The following SLC8A3 variants were observed in gnomAD, a reference collection of about 807,000 sequenced individuals.
SLC8A3 encodes the protein solute carrier family 8 member A3.
A neutral mutation model predicts 65.4 loss-of-function variants in SLC8A3; 37 were observed. The observed-to-expected ratio is 0.57, with a 90% CI of 0.44 to 0.74. The LOEUF (loss-of-function observed/expected upper bound fraction) is 0.74, where lower values mean the gene tolerates loss of function less well. Among genes scored for constraint, SLC8A3 ranks in the 30% least tolerant of loss-of-function variants. SLC8A3 has a pLI of 0.00. For synonymous variants in SLC8A3, 461 were observed against 444.5 expected, an observed-to-expected ratio of 1.04 and a Z score of -0.47; for missense variants, 1,112 against 1,172.1, an observed-to-expected ratio of 0.95 and a Z score of 0.75.
intron 2 of SLC8A3, among the ~76,000 whole-genome samples, chr14:70,130,402 G>A (rs888722595): frequency 6.6e-6 from 1 of 152,226 alleles, no homozygotes; most frequent in African/African-American, 2.4e-5. Flanking sequence ...TCCTGTGCAT[G>A]CACGTGTGTG....
At chr14:70,150,784 G>C (rs1055230853) in intron 2 of SLC8A3, among the ~76,000 whole-genome samples, 3 of 152,192 alleles carry the variant, frequency 2.0e-5, no homozygotes, top group Non-Finnish European at 4.4e-5. Context: ...CAGAGGGAAA[G>C]GGGATTTGGA....
At chr14:70,131,518 G>A (rs979675843) in intron 2 of SLC8A3, among the ~76,000 whole-genome samples, 9 of 152,176 alleles carry the variant, frequency 5.9e-5, no homozygotes, top group Non-Finnish European at 8.8e-5. Context: ...AGCTGGAGGA[G>A]GACACAGGTC....
intron 3 of SLC8A3, chr14:70,059,286 T>A (rs1179519221): frequency 3.3e-5 from 5 of 152,244 alleles, no homozygotes; most frequent in Non-Finnish European, 7.3e-5. Context: ...TTGGGAATGT[T>A]GTTGCTGAAT....
intron 2 of SLC8A3, among the ~76,000 whole-genome samples, chr14:70,146,232 G>T (rs1321081901): frequency 6.6e-6 from 1 of 152,202 alleles, no homozygotes; most frequent in Non-Finnish European, 1.5e-5. Flanking sequence ...TGGAAGATGT[G>T]TAATGTCGAC....
intron 2 of SLC8A3, among the ~76,000 whole-genome samples, chr14:70,098,707 G>A (rs1892359338): frequency 6.6e-6 from 1 of 152,180 alleles, no homozygotes; most frequent in African/African-American, 2.4e-5. Context: ...GGAAACCACA[G>A]CTTCTGCCAG....
chr14:70,168,128 T>C lies in SLC8A3; in HGVS notation c.295A>G (p.Met99Val), dbSNP rs1206311512. The change falls in exon 2 of 7, where the codon ATG becomes GTG. Residue 99 changes from methionine to valine, a missense_variant. Coordinates refer to ENST00000356921, the MANE Select transcript of SLC8A3 (RefSeq NM_182932.3). ...LGVSIIADRF[M>V]ASIEVITSQE... ...GAGGTGATGACTTCAATAGATGCCA[T>C]GAAGCGGTCAGCAATGATGGACACC... is the stretch of plus-strand genomic sequence containing the variant. 7 of 1,614,008 alleles carry C rather than the reference T, an allele frequency of 4.3e-6. No homozygotes were observed. Among genetic ancestry groups the C allele is most frequent in the Admixed American group, 1.7e-5 (1 of 60,002 alleles).
At chr14:70,185,986 G>A (rs1883176469) in intron 1 of SLC8A3, among the ~76,000 whole-genome samples, 1 of 152,096 alleles carries the variant, frequency 6.6e-6, no homozygotes, top group Non-Finnish European at 1.5e-5. Context: ...GAGTCCAATG[G>A]ACTCCACGGC....
At chr14:70,110,234 C>G (rs1229861727) in intron 2 of SLC8A3, among the ~76,000 whole-genome samples, 1 of 151,998 alleles carries the variant, frequency 6.6e-6, no homozygotes, top group African/African-American at 2.4e-5. Context: ...TGTACAGCTA[C>G]GTTATTATTT....
At chr14:70,112,364 A>G (rs2140148946) in intron 2 of SLC8A3, among the ~76,000 whole-genome samples, 1 of 152,264 alleles carries the variant, frequency 6.6e-6, no homozygotes, top group South Asian at 2.1e-4. Context: ...GAGAAAGGTG[A>G]GAAAGATGTG....
intron 2 of SLC8A3, among the ~76,000 whole-genome samples, chr14:70,144,689 A>G (rs1014043152): frequency 2.6e-5 from 4 of 152,142 alleles, no homozygotes; most frequent in Non-Finnish European, 4.4e-5. Context: ...CATATCTCCA[A>G]AAAGAAGTCT....
At chr14:70,089,044 G>T (rs10873226) in intron 2 of SLC8A3, among the ~76,000 whole-genome samples, 1 of 151,944 alleles carries the variant, frequency 6.6e-6, no homozygotes, top group South Asian at 2.1e-4. Context: ...CACAGCTGAA[G>T]TTATCTGTTC....
intron 2 of SLC8A3, among the ~76,000 whole-genome samples, chr14:70,110,992 T>C (rs986002019): frequency 3.9e-5 from 6 of 152,196 alleles, no homozygotes; most frequent in Non-Finnish European, 7.3e-5. Context: ...AGATACCTCT[T>C]TCATATACTG....
chr14:70,126,270 T>C (rs1475033107), intron 2 of SLC8A3, among the ~76,000 whole-genome samples: 1 of 151,444 alleles, frequency 6.6e-6, no homozygotes, highest in African/African-American at 2.4e-5. Context: ...TCAATAATAG[T>C]AAAGAGTAAC....
chr14:70,088,234 C>A (rs1170128462), intron 2 of SLC8A3, among the ~76,000 whole-genome samples: 1 of 152,230 alleles, frequency 6.6e-6, no homozygotes, highest in East Asian at 1.9e-4. Context: ...ATGAGATATA[C>A]ATCTGTTTGG....
intron 2 of SLC8A3, among the ~76,000 whole-genome samples, chr14:70,145,778 C>T (rs747850411): frequency 6.6e-6 from 1 of 152,224 alleles, no homozygotes; most frequent in Non-Finnish European, 1.5e-5. Context: ...ACCTTTGGCC[C>T]TCCAGCTGCT....
chr14:70,174,658 T>TG (rs1566833424), intron 1 of SLC8A3, among the ~76,000 whole-genome samples: 1 of 50,984 alleles, frequency 2.0e-5, no homozygotes, highest in African/African-American at 7.2e-5. Flanking sequence ...TCCGTTTTTT[T>TG]TTTGTTTTTT....
intron 1 of SLC8A3, among the ~76,000 whole-genome samples, chr14:70,186,504 A>G (rs994060063): frequency 2.0e-5 from 3 of 152,242 alleles, no homozygotes; most frequent in African/African-American, 7.2e-5. Context: ...AAAGCATTCC[A>G]AGCGGAGGAA....
chr14:70,130,596 T>C (rs1445496310), intron 2 of SLC8A3, among the ~76,000 whole-genome samples: 3 of 152,220 alleles, frequency 2.0e-5, no homozygotes, highest in African/African-American at 7.2e-5. Context: ...GCAACTCCAC[T>C]GGGAATCCCC....
Position 70,121,583 on chromosome 14 carries a change from G to A in SLC8A3, c.1784+45056C>T, listed in dbSNP as rs74061060. On this transcript the variant is annotated intron_variant, in intron 2 of 6. Coordinates refer to ENST00000356921, the MANE Select transcript of SLC8A3 (RefSeq NM_182932.3). ...ATTAGGCATAAAAAAATCCATAAATGCAAAACTAGTCATGTAGTCAAATAA... is the reference window on the plus strand; with the variant it reads ...ATTAGGCATAAAAAAATCCATAAATACAAAACTAGTCATGTAGTCAAATAA... Among the ~76,000 whole-genome samples, 792 of 152,244 alleles carry A rather than the reference G, an allele frequency of 5.2e-3. 10 individuals carry two copies. The highest frequency in any genetic ancestry group is 0.017 in the African/African-American group (720 of 41,534).
Sources: allele counts gnomAD v4.1 joint callset (sites outside exome capture counted in the v4.1 genomes callset), GRCh38; gene constraint gnomAD v4.1.1; transcripts MANE v1.5; gene names NCBI Gene and HGNC (gene_info 2026-07-23, HGNC 2026-07-21).